Variants in FAM83F observed in about 807,000 individuals in gnomAD.
FAM83F encodes the protein protein FAM83F.
Under a neutral mutation model 42.9 loss-of-function variants are expected in FAM83F, and 45 were observed. The observed-to-expected ratio is 1.05, with a 90% CI of 0.83 to 1.35. The LOEUF (loss-of-function observed/expected upper bound fraction) is 1.35. Among genes scored for constraint, FAM83F ranks in the 40% most tolerant of loss-of-function variants. The pLI is 0.00. For synonymous variants in FAM83F, 306 were observed against 298.3 expected, an observed-to-expected ratio of 1.03 and a Z score of -0.27; for missense variants, 617 against 695.9, an observed-to-expected ratio of 0.89 and a Z score of 1.28.
chr22:40,000,117 C>T (rs985620320), intron 1 of FAM83F, among the ~76,000 whole-genome samples: 7 of 152,210 alleles, frequency 4.6e-5, no homozygotes, highest in South Asian at 2.1e-4. Context: ...CTATTGGCCG[C>T]CTGTCCCTCT....
chr22:40,022,901 G>A (rs866086872), intron 4 of FAM83F, among the ~76,000 whole-genome samples: 8 of 152,166 alleles, frequency 5.3e-5, no homozygotes, highest in Admixed American at 3.3e-4. Flanking sequence ...AGCTTTAACC[G>A]GATTGTGATG....
At chr22:40,016,038 A>T (rs2067490659) in intron 1 of FAM83F, among the ~76,000 whole-genome samples, 2 of 152,184 alleles carry the variant, frequency 1.3e-5, no homozygotes, top group Admixed American at 1.3e-4. Flanking sequence ...TTAGGATGGC[A>T]TCCCGGGACA....
At position 40,029,660 on chromosome 22, in the gene FAM83F, TCAGACGCCAACTGGCCTTCTGCCCTG is replaced by T; in HGVS notation, c.*99_*124del. ...GTCGCACACTGCACCAGTTTGCACA[TCAGACGCCAACTGGCCTTCTGCCCTG>T]CAGCCTCCGTCCTGGCCTCAGGGAC... On this transcript the variant is annotated 3_prime_UTR_variant, in exon 5 of 5. Transcript: ENST00000333407. The T allele has an allele frequency of 6.6e-7, 1 of 1,519,676 alleles. No individual in the cohort carries two copies. The highest frequency in any genetic ancestry group is 1.2e-5 in the South Asian group (1 of 81,950). 94.1% of individuals were successfully genotyped at this position (1,519,676 alleles called of 1,614,324 possible).
chr22:40,000,156 A>G (rs535793545), intron 1 of FAM83F, among the ~76,000 whole-genome samples: 1 of 152,200 alleles, frequency 6.6e-6, no homozygotes, highest in Admixed American at 6.5e-5. Flanking sequence ...AGATGTCCCC[A>G]TGGAATTGCA....
At chr22:40,029,080 C>CGTGTGTGTGTGT (rs55770640) in intron 4 of FAM83F, among the ~76,000 whole-genome samples, 13 of 130,610 alleles carry the variant, frequency 1.0e-4, no homozygotes, top group African/African-American at 3.2e-4. Context: ...CTTGGCTAGA[C>CGTGTGTGTGTGT]GTGTGTGTGT....
chr22:40,033,179 G>C lies in FAM83F; in HGVS notation c.*3614G>C, dbSNP rs1257614197. On this transcript the variant is annotated 3_prime_UTR_variant, in exon 5 of 5. Coordinates refer to ENST00000333407, the MANE Select transcript of FAM83F (RefSeq NM_138435.4). ...AGCTCGCTACAACCTCCACCTCCTG[G>C]GTTTAAGTGATTCTCTGGCCTCAGC... The C allele has an allele frequency of 6.6e-6, 1 of 152,120 alleles. No individual in the cohort carries two copies. The highest frequency in any genetic ancestry group is 1.5e-5 in the Non-Finnish European group (1 of 68,028). The allele number at this position is 152,120 out of a possible 1,614,324, so 9.4% of individuals were successfully genotyped here. A position where few individuals can be genotyped will look rare whatever the true frequency, so the allele number is the denominator to read the frequency against.
chr22:39,996,122 C>G (rs1248816634), intron 1 of FAM83F, among the ~76,000 whole-genome samples: 3 of 152,136 alleles, frequency 2.0e-5, no homozygotes, highest in Non-Finnish European at 1.5e-5. Context: ...TATTGAGGAC[C>G]TACTGTGTGC....
intron 1 of FAM83F, among the ~76,000 whole-genome samples, chr22:40,014,126 C>CTTTTATTTTT (rs1555967942): frequency 1.2e-5 from 1 of 81,086 alleles, no homozygotes. Context: ...TCTCTTATTT[C>CTTTTATTTTT]TTTTCTTTTT....
At position 40,019,018 on chromosome 22, in the gene FAM83F, C is replaced by T. The variant is rs9619842; in HGVS notation, c.490-150C>T. 2.7e-3 allele frequency: 2,281 copies of T among 857,836 alleles called. 30 individuals carry two copies. The African/African-American group carries it at 0.034, about 13-fold the overall frequency. 53.1% of individuals were successfully genotyped at this position (857,836 alleles called of 1,614,324 possible). On this transcript the variant is annotated intron_variant, in intron 1 of 4. Transcript: ENST00000333407. ...CCAGGGCTCAGATATGCTCAAAGATCGGGGGACGTGGAACTCCAGGAATGG... is the reference window on the plus strand; with the variant it reads ...CCAGGGCTCAGATATGCTCAAAGATTGGGGGACGTGGAACTCCAGGAATGG...
chr22:40,037,858 C>CT lies in FAM83F; in HGVS notation c.*8293_*8294insT, dbSNP rs2067634135. On this transcript the variant is annotated 3_prime_UTR_variant, in exon 5 of 5. Coordinates refer to ENST00000333407, the MANE Select transcript of FAM83F (RefSeq NM_138435.4). ...TCAGCCTCCCAAGTAGCTGGGACTA[C>CT]AGGCATGCACCACCCTGCCCAGCTA... 1.3e-5 allele frequency: 2 copies of CT among 152,106 alleles called. No individual in the cohort carries two copies. The allele number at this position is 152,106 out of a possible 1,614,324, so 9.4% of individuals were successfully genotyped here.
chr22:40,017,391 C>A (rs1229989185), intron 1 of FAM83F, among the ~76,000 whole-genome samples: 2 of 152,122 alleles, frequency 1.3e-5, no homozygotes, highest in Non-Finnish European at 2.9e-5. Context: ...CACCATCATG[C>A]CTGGCTAATG....
At position 40,043,082 on chromosome 22, in the gene FAM83F, A is replaced by G. The variant is rs556231198; in HGVS notation, c.*13517A>G. ...CTTACTCTTAATTGACGTTTATGAA[A>G]TACCTTGGCTTCATTTGCTGAAAGG... On this transcript the variant is annotated 3_prime_UTR_variant, in exon 5 of 5. Transcript: ENST00000333407. 1.6e-4 allele frequency: 25 copies of G among 152,192 alleles called. No homozygotes were observed. The highest frequency in any genetic ancestry group is 4.6e-4 in the Admixed American group (7 of 15,280). 9.4% of individuals were successfully genotyped at this position (152,192 alleles called of 1,614,324 possible).
chr22:40,037,719 T>G lies in FAM83F; in HGVS notation c.*8154T>G, dbSNP rs1430982853. On this transcript the variant is annotated 3_prime_UTR_variant, in exon 5 of 5. Transcript: ENST00000333407. ...CTGAGATGCCTGCAGAGCCCAGAGT[T>G]TTCACCAACTTTTTTTTTAAGAGAT... 2.0e-5 allele frequency: 3 copies of G among 152,192 alleles called. No individual in the cohort carries two copies. The highest frequency in any genetic ancestry group is 7.2e-5 in the African/African-American group (3 of 41,430). The allele number at this position is 152,192 out of a possible 1,614,324, so 9.4% of individuals were successfully genotyped here. A position where few individuals can be genotyped will look rare whatever the true frequency, so the allele number is the denominator to read the frequency against.
At position 40,021,978 on chromosome 22, in the gene FAM83F, C is replaced by A. The variant is rs1404606750; in HGVS notation, c.1453+15C>A. The A allele has an allele frequency of 2.6e-6, 4 of 1,527,214 alleles. No homozygotes were observed. The highest frequency in any genetic ancestry group is 3.5e-6 in the Non-Finnish European group (4 of 1,138,752). 94.6% of individuals were successfully genotyped at this position (1,527,214 alleles called of 1,614,324 possible). On this transcript the variant is annotated intron_variant, in intron 4 of 4. Coordinates refer to ENST00000333407, the MANE Select transcript of FAM83F (RefSeq NM_138435.4). The surrounding 1 kb of genome is among the most constrained non-coding windows in gnomAD (Gnocchi z 8.7). ...TGACATCTCAGGTGAGCCCTCTTCCCTCTGGCCTGGTGCCTCCCCAGGCCT... is the reference window on the plus strand; with the variant it reads ...TGACATCTCAGGTGAGCCCTCTTCCATCTGGCCTGGTGCCTCCCCAGGCCT...
chr22:40,006,376 C>T (rs1294923499), intron 1 of FAM83F, among the ~76,000 whole-genome samples: 1 of 152,234 alleles, frequency 6.6e-6, no homozygotes, highest in African/African-American at 2.4e-5. Context: ...AGATCGATGG[C>T]AGGGCTCTGT....
chr22:40,021,820 G>A lies in FAM83F; in HGVS notation c.1310G>A (p.Arg437His), dbSNP rs775584186. 28 of 1,612,656 alleles carry A rather than the reference G, an allele frequency of 1.7e-5. No homozygotes were observed. The highest frequency in any genetic ancestry group is 6.7e-5 in the African/African-American group (5 of 75,040). Reference protein sequence around the residue: ...AARGEAAPARRFSSRLFSRRA... With the variant: ...AARGEAAPARHFSSRLFSRRA... ...CGGGGGGAGGCCGCCCCCGCCAGGC[G>A]CTTCAGCAGCAGGCTCTTCAGTCGC... The change falls in exon 4 of 5, where the codon CGC becomes CAC. Residue 437 changes from arginine (R) to histidine (H), a missense_variant. Coordinates refer to ENST00000333407, the MANE Select transcript of FAM83F (RefSeq NM_138435.4). The surrounding 1 kb of genome is among the most constrained non-coding windows in gnomAD (Gnocchi z 8.7).
At position 40,038,356 on chromosome 22, in the gene FAM83F, T is replaced by C. The variant is rs1050291483; in HGVS notation, c.*8791T>C. 3 of 152,130 alleles carry C rather than the reference T, an allele frequency of 2.0e-5. No individual in the cohort carries two copies. Among genetic ancestry groups the C allele is most frequent in the Non-Finnish European group, 4.4e-5 (3 of 68,030 alleles). 9.4% of individuals were successfully genotyped at this position (152,130 alleles called of 1,614,324 possible). ...AAGGTCCAGAGCCTAGACAGAACTC[T>C]TTTAGGAGAATTATGAGAATCACAA... On this transcript the variant is annotated 3_prime_UTR_variant, in exon 5 of 5. Transcript: ENST00000333407.
chr22:40,015,214 C>T (rs938864016), intron 1 of FAM83F, among the ~76,000 whole-genome samples: 6 of 152,124 alleles, frequency 3.9e-5, no homozygotes, highest in Admixed American at 1.3e-4. Context: ...TGGGAAGAGC[C>T]GCAGTTTGAG....
intron 1 of FAM83F, among the ~76,000 whole-genome samples, chr22:40,005,797 T>C (rs2067424338): frequency 6.6e-6 from 1 of 152,068 alleles, no homozygotes; most frequent in African/African-American, 2.4e-5. Flanking sequence ...CTGCTGCCAG[T>C]GTAGGGAGGG....
Sources: allele counts gnomAD v4.1 joint callset (sites outside exome capture counted in the v4.1 genomes callset), GRCh38; gene constraint gnomAD v4.1.1; non-coding constraint Gnocchi (gnomAD v3.1); transcripts MANE v1.5; gene names NCBI Gene and HGNC (gene_info 2026-07-23, HGNC 2026-07-21).